ZBTB40: variants seen among roughly 807,000 people sequenced by gnomAD.
ZBTB40 encodes the protein zinc finger and BTB domain containing 40.
In ZBTB40, 60 loss-of-function variants were observed where a neutral mutation model predicts 117.5. The observed-to-expected ratio is 0.51, with a 90% CI of 0.41 to 0.63. The LOEUF is 0.63. ZBTB40 is among the 30% of genes least tolerant of loss of function. ZBTB40 has a pLI of 0.00. For missense variants in ZBTB40, 1,287 were observed against 1,498.5 expected, an observed-to-expected ratio of 0.86 and a Z score of 2.33; for synonymous variants, 525 against 577.1, an observed-to-expected ratio of 0.91 and a Z score of 1.29.
intron 1 of ZBTB40, among the ~76,000 whole-genome samples, chr1:22,471,699 A>C (rs1040516254): frequency 3.9e-5 from 6 of 152,182 alleles, no homozygotes; most frequent in African/African-American, 1.4e-4. Flanking sequence ...AAGATGTTTT[A>C]ATCACCTCCT....
intron 1 of ZBTB40, among the ~76,000 whole-genome samples, chr1:22,477,053 A>G (rs991875422): frequency 3.2e-4 from 48 of 152,222 alleles, no homozygotes; most frequent in African/African-American, 1.1e-3. Flanking sequence ...TTTACATTTC[A>G]GTTGGGACAT....
At chr1:22,457,053 T>C (rs980777987) in intron 1 of ZBTB40, among the ~76,000 whole-genome samples, 1 of 151,884 alleles carries the variant, frequency 6.6e-6, no homozygotes, top group Admixed American at 6.6e-5. Context: ...GGATCACTTA[T>C]GCAAGCCCAG....
At chr1:22,515,418 T>C (rs1639348857) in intron 12 of ZBTB40, among the ~76,000 whole-genome samples, 1 of 152,170 alleles carries the variant, frequency 6.6e-6, no homozygotes, top group Non-Finnish European at 1.5e-5. Flanking sequence ...ACAACCCAAA[T>C]ATACTCTTTT....
intron 1 of ZBTB40, among the ~76,000 whole-genome samples, chr1:22,479,981 A>G (rs998062759): frequency 6.6e-6 from 1 of 152,092 alleles, no homozygotes; most frequent in Non-Finnish European, 1.5e-5. Context: ...GTGTCAGCTC[A>G]CTGCAACCTC....
chr1:22,465,500 GC>G (rs920325221), intron 1 of ZBTB40, among the ~76,000 whole-genome samples: 16 of 152,246 alleles, frequency 1.1e-4, no homozygotes, highest in African/African-American at 3.6e-4. Context: ...TGGCAGCCAG[GC>G]CCCCCAGCCT....
chr1:22,500,098 G>A (rs1638886147), intron 3 of ZBTB40, among the ~76,000 whole-genome samples: 1 of 152,204 alleles, frequency 6.6e-6, no homozygotes, highest in Non-Finnish European at 1.5e-5. Context: ...GTGAAATTCA[G>A]TTTTGGTTAC....
In ZBTB40 at chr1:22,520,280, C is replaced by G. The variant is rs1264863381; in HGVS notation, c.3048+5C>G. On this transcript the variant is annotated splice_donor_5th_base_variant and intron_variant, in intron 14 of 17. Coordinates refer to ENST00000375647, the MANE Select transcript of ZBTB40 (RefSeq NM_014870.4). ...ATCTGCAACAAGGCCTACCAGGTGA[C>G]CTCAGGTGCCACTGGGAGCTCTTCC... 2 of 1,608,636 alleles carry G rather than the reference C, an allele frequency of 1.2e-6. No homozygotes were observed. The highest frequency in any genetic ancestry group is 1.7e-6 in the Non-Finnish European group (2 of 1,179,382).
intron 1 of ZBTB40, among the ~76,000 whole-genome samples, chr1:22,435,611 C>T (rs1640659911): frequency 6.6e-6 from 1 of 152,028 alleles, no homozygotes. Flanking sequence ...AGTGGGCATC[C>T]ATGTATTGCT....
In ZBTB40 at chr1:22,490,657, T is replaced by C. The variant is rs1638604497; in HGVS notation, c.697+12T>C. The C allele has an allele frequency of 6.2e-7, 1 of 1,611,190 alleles. No individual in the cohort carries two copies. The highest frequency in any genetic ancestry group is 1.3e-5 in the African/African-American group (1 of 75,048). ...AAGCACAGAACCAGGTAACAGTCAT[T>C]GTTTTATATTCCATCCTTCTGTTTT... On this transcript the variant is annotated intron_variant, in intron 2 of 17. Transcript: ENST00000375647.
chr1:22,438,953 C>T (rs370804419), intron 1 of ZBTB40, among the ~76,000 whole-genome samples: 2 of 152,130 alleles, frequency 1.3e-5, no homozygotes, highest in African/African-American at 4.8e-5. Context: ...CTGCAACCTC[C>T]GCCTCCCAGG....
intron 1 of ZBTB40, among the ~76,000 whole-genome samples, chr1:22,435,806 A>G (rs966998276): frequency 8.5e-5 from 13 of 152,216 alleles, no homozygotes; most frequent in Admixed American, 3.9e-4. Context: ...CATAATACAT[A>G]CATATGACAA....
At chr1:22,511,053 TA>T in intron 9 of ZBTB40, 125 bp from the exon 10 acceptor site, 1 of 1,255,212 alleles carries the variant, frequency 8.0e-7, no homozygotes, top group South Asian at 1.2e-5. Context: ...AGGCGATGTA[TA>T]AACTGCTTAT....
rs748726049 is a variant in ZBTB40, at chr1:22,490,608, A to G, written c.660A>G (p.Gln220=). 43 of 1,613,954 alleles carry G rather than the reference A, an allele frequency of 2.7e-5. 1 individual carries two copies. In the South Asian group the frequency reaches 4.4e-4, roughly 16 times the overall value. ...CTTGTTCCCCCTCCCCTGCTGTGCA[A>G]ACCTTTAGTGAGGCAAAGAAGACAA... The part of the protein sequence containing the change: ...AEACSPSPAV[Q]TFSEAKKTST... The change falls in exon 2 of 18, where the codon CAA becomes CAG. Residue 220 remains glutamine, a synonymous_variant. Coordinates refer to ENST00000375647, the MANE Select transcript of ZBTB40 (RefSeq NM_014870.4).
chr1:22,503,343 C>T (rs1351372569), intron 5 of ZBTB40, among the ~76,000 whole-genome samples: 2 of 150,624 alleles, frequency 1.3e-5, no homozygotes, highest in Non-Finnish European at 1.5e-5. Context: ...AAACTGCTGG[C>T]ATGACTTCTC....
intron 1 of ZBTB40, among the ~76,000 whole-genome samples, chr1:22,431,384 G>GTGTGTGTGTGTATATA (rs1222294324): frequency 2.5e-5 from 3 of 119,710 alleles, no homozygotes; most frequent in African/African-American, 1.1e-4. Context: ...GTGTGTGTGT[G>GTGTGTGTGTGTATATA]TATATATATA....
intron 1 of ZBTB40, among the ~76,000 whole-genome samples, chr1:22,486,884 G>C (rs1298481211): frequency 6.6e-6 from 1 of 152,040 alleles, no homozygotes; most frequent in Non-Finnish European, 1.5e-5. Flanking sequence ...CCAGGTGCCC[G>C]CCACCATGCC....
intron 5 of ZBTB40, among the ~76,000 whole-genome samples, chr1:22,505,662 TATTA>T (rs1267418608): frequency 9.8e-5 from 15 of 152,306 alleles, no homozygotes; most frequent in African/African-American, 3.4e-4. Flanking sequence ...AATTAAACTA[TATTA>T]ATTATCAATC....
At chr1:22,441,645 G>A (rs992230472) in intron 1 of ZBTB40, among the ~76,000 whole-genome samples, 1 of 151,720 alleles carries the variant, frequency 6.6e-6, no homozygotes, top group Non-Finnish European at 1.5e-5. Flanking sequence ...ACTGCACCCG[G>A]CTAATTTTTG....
chr1:22,512,528 A>G (rs1333180344), intron 11 of ZBTB40, among the ~76,000 whole-genome samples: 1 of 152,216 alleles, frequency 6.6e-6, no homozygotes, highest in Non-Finnish European at 1.5e-5. Context: ...GTAACAAACA[A>G]GAGTCATGGA....
Sources: gnomAD v4.1 joint callset for allele counts (sites outside exome capture counted in the v4.1 genomes callset) on GRCh38, gnomAD v4.1.1 for gene constraint, MANE v1.5 for transcripts, NCBI Gene and HGNC (gene_info 2026-07-23, HGNC 2026-07-21) for gene names.